Variants in RSPH4A observed in about 807,000 individuals in gnomAD.
RSPH4A encodes the protein radial spoke head protein 4 homolog A.
RSPH4A carries 47 observed loss-of-function variants against 71.0 expected under a neutral mutation model. The ratio of observed to expected loss-of-function variants is 0.66; its 90% CI spans 0.52 to 0.84. RSPH4A has a LOEUF of 0.84. Among genes scored for constraint, RSPH4A ranks in the 40% least tolerant of loss-of-function variants. RSPH4A has a pLI of 0.00. For synonymous variants in RSPH4A, 282 were observed against 302.3 expected, an observed-to-expected ratio of 0.93 and a Z score of 0.70; for missense variants, 793 against 855.2, an observed-to-expected ratio of 0.93 and a Z score of 0.91.
Position 116,627,945 on chromosome 6 carries a change from C to T in RSPH4A, c.1238C>T (p.Ala413Val). The change falls in exon 3 of 6, where the codon GCC becomes GTC. Residue 413 changes from alanine (A) to valine (V), a missense_variant. Transcript: ENST00000229554. ...GAATTACCAAAGTCCTTTTACAAGGCCCCACAGGCTATACCAAAAGAAGAA... is the reference window on the plus strand; with the variant it reads ...GAATTACCAAAGTCCTTTTACAAGGTCCCACAGGCTATACCAAAAGAAGAA... Reference protein sequence around the residue: ...EDELPKSFYKAPQAIPKEESR... With the variant: ...EDELPKSFYKVPQAIPKEESR... The T allele has an allele frequency of 6.2e-7, 1 of 1,614,084 alleles. No individual in the cohort carries two copies. Among genetic ancestry groups the T allele is most frequent in the Non-Finnish European group, 8.5e-7 (1 of 1,179,984 alleles).
Position 116,616,805 on chromosome 6 carries a change from G to A in RSPH4A, c.182G>A (p.Trp61Ter). 6.2e-7 allele frequency: 1 copy of A among 1,614,134 alleles called. No individual in the cohort carries two copies. The highest frequency in any genetic ancestry group is 8.5e-7 in the Non-Finnish European group (1 of 1,180,008). ...CGCCAGTCCCGAAGCAGCCGTCCTT[G>A]GAGCCCGCAGTCTAGAGCCAAGACG... ...TGRQSRSSRP[W>*]SPQSRAKTPL... is the part of the protein sequence containing the mutation. The change falls in exon 1 of 6, where the codon TGG becomes TAG. Residue 61 changes from tryptophan (W) to a stop codon, truncating the protein, a stop_gained. Transcript: ENST00000229554. LOFTEE classifies it high-confidence loss of function.
Position 116,632,200 on chromosome 6 carries a change from C to T in RSPH4A, c.1917-7C>T. 4.4e-6 allele frequency: 7 copies of T among 1,592,090 alleles called. No individual in the cohort carries two copies. In the South Asian group the frequency reaches 5.6e-5, roughly 13 times the overall value. ...TCTTTTTTTCTTCTTCTTTTTCTTACTTATAGAAAGTTTGAAAATTTCTAC... is the reference window on the plus strand; with the variant it reads ...TCTTTTTTTCTTCTTCTTTTTCTTATTTATAGAAAGTTTGAAAATTTCTAC... On this transcript the variant is annotated splice_polypyrimidine_tract_variant and splice_region_variant and intron_variant, in intron 5 of 5. Transcript: ENST00000229554.
Position 116,616,669 on chromosome 6 carries a change from G to C in RSPH4A, c.46G>C (p.Glu16Gln), listed in dbSNP as rs780975506. Residue 16 changes from glutamate (E) to glutamine (Q), a missense_variant, in exon 1 of 6, where the codon GAA becomes CAA. Physicochemically the swap from Glu to Gln is conservative, Grantham distance 29. Coordinates refer to ENST00000229554, the MANE Select transcript of RSPH4A (RefSeq NM_001010892.3). ...SPKQEKENQE[E>Q]LGETRRPWEG... ...GAAGCAAGAAAAAGAAAACCAAGAA[G>C]AACTAGGGGAAACAAGGCGGCCATG... is the stretch of plus-strand genomic sequence containing the variant. 1.2e-5 allele frequency: 20 copies of C among 1,613,972 alleles called. No individual in the cohort carries two copies. The highest frequency in any genetic ancestry group is 6.7e-5 in the Admixed American group (4 of 59,984).
Position 116,632,718 on chromosome 6 carries a change from A to G in RSPH4A, c.*277A>G, listed in dbSNP as rs148830140. 5.3e-4 allele frequency: 199 copies of G among 371,992 alleles called. No individual in the cohort carries two copies. The highest frequency in any genetic ancestry group is 4.0e-3 in the African/African-American group (193 of 48,300). The allele number at this position is 371,992 out of a possible 1,614,324, so 23.0% of individuals were successfully genotyped here. On this transcript the variant is annotated 3_prime_UTR_variant, in exon 6 of 6. Transcript: ENST00000229554. ...TATGGATAATGGAATATGTGTTTGTACATTCCTGTTTTTAAAAGGGCTCAG... is the reference window on the plus strand; with the variant it reads ...TATGGATAATGGAATATGTGTTTGTGCATTCCTGTTTTTAAAAGGGCTCAG...
chr6:116,617,269 G>T lies in RSPH4A; in HGVS notation c.646G>T (p.Ala216Ser), dbSNP rs1390787423. ...TGAGATCACCATTCAGAATGCTAAGGCTTACCTGCTGAAGACTAGCAGCAA... is the reference window on the plus strand; with the variant it reads ...TGAGATCACCATTCAGAATGCTAAGTCTTACCTGCTGAAGACTAGCAGCAA... ...MLEITIQNAK[A>S]YLLKTSSNSG... The change falls in exon 1 of 6, where the codon GCT becomes TCT. Residue 216 changes from alanine (A) to serine (S), a missense_variant. Ala to Ser is a moderately conservative substitution (Grantham distance 99). Transcript: ENST00000229554. 3 of 1,613,280 alleles carry T rather than the reference G, an allele frequency of 1.9e-6. No individual in the cohort carries two copies. In the Admixed American group the frequency reaches 5.0e-5, roughly 27 times the overall value.
chr6:116,631,376 G>C (rs1475105180), intron 5 of RSPH4A, among the ~76,000 whole-genome samples: 1 of 152,114 alleles, frequency 6.6e-6, no homozygotes, highest in East Asian at 1.9e-4. Flanking sequence ...ACATCCCCCT[G>C]TTCCATTTTC....
chr6:116,628,220 T>C lies in RSPH4A; in HGVS notation c.1513T>C (p.Phe505Leu). ...THVSPLGFYQ[F>L]GEEEGEEEEE... ...CGTCAGTCCTCTAGGATTTTATCAGTTTGGTGAAGAGGAAGGAGAGGAGGA... is the reference window on the plus strand; with the variant it reads ...CGTCAGTCCTCTAGGATTTTATCAGCTTGGTGAAGAGGAAGGAGAGGAGGA... The change falls in exon 3 of 6, where the codon TTT becomes CTT. Residue 505 changes from phenylalanine to leucine, a missense_variant. Transcript: ENST00000229554. 5 of 1,613,396 alleles carry C rather than the reference T, an allele frequency of 3.1e-6. No homozygotes were observed. Among genetic ancestry groups the C allele is most frequent in the Non-Finnish European group, 4.2e-6 (5 of 1,179,510 alleles).
In RSPH4A at chr6:116,628,149, G is replaced by A. The variant is rs1347581747; in HGVS notation, c.1442G>A (p.Ser481Asn). The A allele has an allele frequency of 1.1e-5, 17 of 1,614,160 alleles. No individual in the cohort carries two copies. The highest frequency in any genetic ancestry group is 1.4e-5 in the Non-Finnish European group (16 of 1,180,030). ...ISYPPFPGNE[S>N]NYLRAQIARI... ...TACCCACCTTTCCCAGGAAATGAGAGTAATTATTTACGAGCACAAATTGCC... is the reference window on the plus strand; with the variant it reads ...TACCCACCTTTCCCAGGAAATGAGAATAATTATTTACGAGCACAAATTGCC... The change falls in exon 3 of 6, where the codon AGT (serine) becomes AAT (asparagine). Residue 481 changes from serine to asparagine, a missense_variant. By Grantham distance (46) the Ser-to-Asn change is conservative. Transcript: ENST00000229554.
rs201238941 is a variant in RSPH4A at position 116,628,348 on chromosome 6, T to C, written c.1641T>C (p.His547=). The C allele has an allele frequency of 3.2e-5, 52 of 1,612,776 alleles. No homozygotes were observed. In the African/African-American group the frequency reaches 4.5e-4, roughly 14 times the overall value. The part of the protein sequence containing the change: ...LVESLSNWVH[H]VQHILSQGRC... ...AATCCCTATCCAATTGGGTTCATCA[T>C]GTACAGCATATTCTCTCTCAGGTAG... The change falls in exon 3 of 6, where the codon CAT becomes CAC. Residue 547 remains histidine, a synonymous_variant. Coordinates refer to ENST00000229554, the MANE Select transcript of RSPH4A (RefSeq NM_001010892.3).
chr6:116,622,933 A>G lies in RSPH4A; in HGVS notation c.852A>G (p.Ala284=). ...ENELLPTYEI[A]EKQKALFLQG... The stretch of plus-strand genomic sequence containing the variant: ...AGTTGCTTCCAACATATGAAATAGC[A>G]GAAAAGCAAAAGGCTCTTTTTCTCC... The change falls in exon 2 of 6, where the codon GCA becomes GCG. Residue 284 remains alanine, a synonymous_variant. Coordinates refer to ENST00000229554, the MANE Select transcript of RSPH4A (RefSeq NM_001010892.3). The G allele has an allele frequency of 6.2e-7, 1 of 1,614,006 alleles. No homozygotes were observed. The highest frequency in any genetic ancestry group is 8.5e-7 in the Non-Finnish European group (1 of 1,179,936).
intron 2 of RSPH4A, among the ~76,000 whole-genome samples, chr6:116,625,214 G>T (rs1319231044): frequency 1.3e-5 from 2 of 152,158 alleles, no homozygotes; most frequent in African/African-American, 4.8e-5. Flanking sequence ...AACTAACTCT[G>T]CTATTGGTCA....
At chr6:116,626,343 C>CT (rs1190434142) in intron 2 of RSPH4A, among the ~76,000 whole-genome samples, 1 of 152,008 alleles carries the variant, frequency 6.6e-6, no homozygotes, top group Non-Finnish European at 1.5e-5. Flanking sequence ...AAATGTGTTT[C>CT]TTTTTTTCTT....
intron 1 of RSPH4A, among the ~76,000 whole-genome samples, chr6:116,617,576 A>G (rs1256153855): frequency 4.0e-5 from 6 of 151,886 alleles, no homozygotes; most frequent in Non-Finnish European, 5.9e-5. Flanking sequence ...ACAAAATAAA[A>G]CTTAGGAATT....
At chr6:116,626,450 T>G (rs1775695057) in intron 2 of RSPH4A, among the ~76,000 whole-genome samples, 1 of 152,138 alleles carries the variant, frequency 6.6e-6, no homozygotes, top group African/African-American at 2.4e-5. Context: ...CACGCCATTC[T>G]CCTGCCTCAG....
At position 116,629,247 on chromosome 6, in the gene RSPH4A, ATAAAT is replaced by A. The variant is rs1428342851; in HGVS notation, c.1663-317_1663-313del. ...ATCATAATAGCTTTAGCTCTCTCAC[ATAAAT>A]TATTTACCACAAACCAGTAAAATAC... On this transcript the variant is annotated intron_variant, in intron 3 of 5. Coordinates refer to ENST00000229554, the MANE Select transcript of RSPH4A (RefSeq NM_001010892.3). 5.9e-5 allele frequency among the ~76,000 whole-genome samples: 9 copies of A among 152,324 alleles called. No homozygotes were observed. The East Asian group carries it at 1.7e-3, about 29-fold the overall frequency.
intron 1 of RSPH4A, among the ~76,000 whole-genome samples, chr6:116,622,012 T>G (rs1775617890): frequency 6.6e-6 from 1 of 152,174 alleles, no homozygotes; most frequent in Non-Finnish European, 1.5e-5. Flanking sequence ...TAGAGGCAAT[T>G]TCACTAATTC....
intron 2 of RSPH4A, among the ~76,000 whole-genome samples, chr6:116,624,745 A>G (rs573357275): frequency 4.6e-5 from 7 of 152,304 alleles, no homozygotes; most frequent in South Asian, 4.1e-4. Flanking sequence ...CTTTGACCAC[A>G]CCAGAATTCG....
Position 116,629,713 on chromosome 6 carries a change from G to C in RSPH4A, c.1798+11G>C, listed in dbSNP as rs41290844. ...TCTCTGAAGATTTAGGTTATTTTAC[G>C]TAACTATTATCACACACAGACACAC... On this transcript the variant is annotated intron_variant, in intron 4 of 5. Transcript: ENST00000229554. 1.5e-5 allele frequency: 24 copies of C among 1,601,722 alleles called. No homozygotes were observed. The Admixed American group carries it at 2.2e-4, about 14-fold the overall frequency.
intron 2 of RSPH4A, among the ~76,000 whole-genome samples, chr6:116,626,356 T>A (rs1274979542): frequency 6.6e-6 from 1 of 152,154 alleles, no homozygotes. Context: ...TTTTTCTTTT[T>A]CTTTTTCTTT....
Sources: allele counts gnomAD v4.1 joint callset (sites outside exome capture counted in the v4.1 genomes callset), GRCh38; gene constraint gnomAD v4.1.1; transcripts MANE v1.5; gene names NCBI Gene and HGNC (gene_info 2026-07-23, HGNC 2026-07-21).